The following NCOA1 variants were observed in gnomAD, a reference collection of about 807,000 sequenced individuals.
NCOA1 encodes the protein Hin-2 protein.
A neutral mutation model predicts 150.9 loss-of-function variants in NCOA1; 35 were observed. The observed-to-expected ratio is 0.23, with a 90% CI of 0.18 to 0.31. The LOEUF (loss-of-function observed/expected upper bound fraction) is 0.31. Among genes scored for constraint, NCOA1 ranks in the 10% least tolerant of loss-of-function variants. The pLI, the probability that NCOA1 is intolerant of heterozygous loss-of-function variation, is 1.00. For missense variants in NCOA1, 1,491 were observed against 1,749.3 expected, an observed-to-expected ratio of 0.85 and a Z score of 2.63; for synonymous variants, 590 against 630.0, an observed-to-expected ratio of 0.94 and a Z score of 0.95.
At chr2:24,555,357 T>TA (rs1374239919) in intron 1 of NCOA1, among the ~76,000 whole-genome samples, 1 of 152,198 alleles carries the variant, frequency 6.6e-6, no homozygotes, top group African/African-American at 2.4e-5. Context: ...TTAAATATCT[T>TA]AAAGTTTGTT....
intron 4 of NCOA1, among the ~76,000 whole-genome samples, chr2:24,646,111 A>T (rs989595835): frequency 6.6e-6 from 1 of 152,194 alleles, no homozygotes; most frequent in African/African-American, 2.4e-5. Flanking sequence ...CATTATAATG[A>T]CATTTTTCAT....
chr2:24,750,430 A>T (rs1172252348), intron 19 of NCOA1, among the ~76,000 whole-genome samples: 1 of 152,124 alleles, frequency 6.6e-6, no homozygotes, highest in South Asian at 2.1e-4. Context: ...TCAGAAGTAA[A>T]CCCTTACTTT....
intron 5 of NCOA1, among the ~76,000 whole-genome samples, chr2:24,665,199 T>G (rs555122940): frequency 4.4e-4 from 67 of 152,328 alleles, no homozygotes; most frequent in African/African-American, 1.6e-3. Context: ...TCACTGTACC[T>G]TCGTCTCTAA....
At chr2:24,641,422 A>C (rs771424042) in intron 3 of NCOA1, among the ~76,000 whole-genome samples, 6 of 152,000 alleles carry the variant, frequency 3.9e-5, no homozygotes, top group Non-Finnish European at 7.4e-5. Flanking sequence ...AGTCCGTTTT[A>C]TTTACCCTCA....
intron 19 of NCOA1, among the ~76,000 whole-genome samples, chr2:24,751,745 C>T (rs1037132256): frequency 6.6e-6 from 1 of 152,118 alleles, no homozygotes; most frequent in Non-Finnish European, 1.5e-5. Flanking sequence ...AAGCATTATT[C>T]CGAGCTTACA....
chr2:24,568,891 CTGTT>C (rs1207633136), intron 2 of NCOA1, among the ~76,000 whole-genome samples: 1 of 152,190 alleles, frequency 6.6e-6, no homozygotes, highest in African/African-American at 2.4e-5. Flanking sequence ...AGGTGTGTTA[CTGTT>C]TATCACTGAA....
rs757910249 is a variant in NCOA1 at position 24,707,264 on chromosome 2, T to C, written c.1794T>C (p.Ser598=). 6 of 1,614,116 alleles carry C rather than the reference T, an allele frequency of 3.7e-6. No homozygotes were observed. The African/African-American group carries it at 8.0e-5, about 22-fold the overall frequency. The change falls in exon 13 of 23, where the codon TCT becomes TCC. Residue 598 remains serine (S), a synonymous_variant. Coordinates refer to ENST00000348332, the MANE Select transcript of NCOA1 (RefSeq NM_003743.5). ...CAATTTTAAATGAAATGATTCAATC[T>C]GACAACAGCTCTAGTGATGGCAAAC... ...IASILNEMIQ[S]DNSSSDGKPL...
chr2:24,692,133 T>C (rs534744157), intron 9 of NCOA1, among the ~76,000 whole-genome samples: 3 of 152,304 alleles, frequency 2.0e-5, no homozygotes, highest in East Asian at 3.9e-4. Flanking sequence ...AGCTCTAATA[T>C]GAACATGGTG....
chr2:24,738,036 T>C (rs561195850), intron 17 of NCOA1, among the ~76,000 whole-genome samples: 2 of 152,254 alleles, frequency 1.3e-5, no homozygotes, highest in African/African-American at 4.8e-5. Context: ...GACTCAGAAC[T>C]TCAAAAAGTT....
At chr2:24,763,663 C>T (rs1664907702) in intron 22 of NCOA1, among the ~76,000 whole-genome samples, 1 of 133,378 alleles carries the variant, frequency 7.5e-6, no homozygotes, top group Non-Finnish European at 1.6e-5. Context: ...CTCTTTTGCC[C>T]AGGCTGGAGT....
chr2:24,494,023 G>A (rs1487967033), intron 1 of NCOA1, among the ~76,000 whole-genome samples: 1 of 152,198 alleles, frequency 6.6e-6, no homozygotes, highest in Non-Finnish European at 1.5e-5. Flanking sequence ...ACTCTATAGG[G>A]AAGGGTGGTA....
chr2:24,683,275 C>T (rs1267380567), intron 8 of NCOA1, 147 bp downstream of exon 8: 12 of 465,582 alleles, frequency 2.6e-5, no homozygotes, highest in South Asian at 2.0e-4. Context: ...AGTGTGGTTT[C>T]AGTCTCAGAT....
At chr2:24,570,144 T>G (rs1666688027) in intron 2 of NCOA1, among the ~76,000 whole-genome samples, 1 of 151,100 alleles carries the variant, frequency 6.6e-6, no homozygotes, top group African/African-American at 2.4e-5. Flanking sequence ...CCACGTTCAA[T>G]CATAATATCC....
intron 3 of NCOA1, among the ~76,000 whole-genome samples, chr2:24,637,827 C>T (rs969512312): frequency 5.3e-5 from 8 of 152,118 alleles, no homozygotes; most frequent in South Asian, 4.1e-4. Context: ...TCCCAAGTAG[C>T]GGGAATTAAA....
At chr2:24,602,727 T>G (rs1668179569) in intron 3 of NCOA1, among the ~76,000 whole-genome samples, 1 of 152,144 alleles carries the variant, frequency 6.6e-6, no homozygotes, top group African/African-American at 2.4e-5. Context: ...TTTATAAAAA[T>G]TTGTTATCCT....
At chr2:24,766,854 G>A (rs1040676629) in intron 22 of NCOA1, among the ~76,000 whole-genome samples, 3 of 152,154 alleles carry the variant, frequency 2.0e-5, no homozygotes, top group African/African-American at 4.8e-5. Flanking sequence ...GCGCGTTGGT[G>A]TGTTATAGAC....
rs560488991 is a variant in NCOA1, at chr2:24,639,670, C to T, written c.-174-4296C>T. ...TTGGGAGGCCGAGGCAGGTGGATCACGAGGTCAGGAGTTCAAGACCAGCCT... is the reference window on the plus strand; with the variant it reads ...TTGGGAGGCCGAGGCAGGTGGATCATGAGGTCAGGAGTTCAAGACCAGCCT... On this transcript the variant is annotated intron_variant, in intron 3 of 22. Transcript: ENST00000348332. 9.0e-3 allele frequency among the ~76,000 whole-genome samples: 1,363 copies of T among 151,544 alleles called. 30 individuals carry two copies. The highest frequency in any genetic ancestry group is 0.031 in the African/African-American group (1,292 of 41,320).
intron 1 of NCOA1, among the ~76,000 whole-genome samples, chr2:24,493,180 C>A (rs1057019266): frequency 1.3e-5 from 2 of 152,174 alleles, no homozygotes; most frequent in African/African-American, 4.8e-5. Flanking sequence ...ATTCCTTGAA[C>A]TATTTGCCAT....
At chr2:24,681,640 A>C (rs1030098053) in intron 7 of NCOA1, among the ~76,000 whole-genome samples, 1 of 151,780 alleles carries the variant, frequency 6.6e-6, no homozygotes, top group African/African-American at 2.4e-5. Context: ...TTTCATCTTA[A>C]TCCTGAAGGA....
Sources: allele counts gnomAD v4.1 joint callset (sites outside exome capture counted in the v4.1 genomes callset), GRCh38; gene constraint gnomAD v4.1.1; transcripts MANE v1.5; gene names NCBI Gene and HGNC (gene_info 2026-07-23, HGNC 2026-07-21).